The following GPBP1L1 variants were observed in gnomAD, a reference collection of about 807,000 sequenced individuals.
GPBP1L1 encodes GC-rich promoter binding protein 1 like 1.
Under a neutral mutation model 52.5 loss-of-function variants are expected in GPBP1L1, and 23 were observed. The observed-to-expected ratio is 0.44, with a 90% CI of 0.32 to 0.62. The LOEUF (loss-of-function observed/expected upper bound fraction) is 0.62, where lower values mean the gene tolerates loss of function less well. GPBP1L1 is among the 20% of genes least tolerant of loss of function. The pLI is 0.06. For synonymous variants in GPBP1L1, 243 were observed against 203.1 expected (o/e 1.20, Z -1.67); for missense variants, 596 against 579.3 (o/e 1.03, Z -0.30).
chr1:45,667,309 T>C (rs1645022156), intron 2 of GPBP1L1, among the ~76,000 whole-genome samples: 1 of 152,188 alleles, frequency 6.6e-6, no homozygotes, highest in South Asian at 2.1e-4. Context: ...TTTTGCTCCC[T>C]CTCTACAAAC....
chr1:45,633,986 C>T, intron 9 of GPBP1L1, 110 bp downstream of exon 9: 1 of 1,207,216 alleles, frequency 8.3e-7, no homozygotes, highest in Non-Finnish European at 1.2e-6. Flanking sequence ...CTATTCTCAG[C>T]TAAATATAGC....
At chr1:45,666,291 G>A (rs1040480572) in intron 2 of GPBP1L1, among the ~76,000 whole-genome samples, 12 of 151,736 alleles carry the variant, frequency 7.9e-5, no homozygotes, top group Non-Finnish European at 1.5e-4. Flanking sequence ...GACTACAGGC[G>A]CCCACCACCA....
At chr1:45,663,956 CT>C (rs11407149) in intron 2 of GPBP1L1, among the ~76,000 whole-genome samples, 121 of 148,962 alleles carry the variant, frequency 8.1e-4, no homozygotes, top group African/African-American at 2.6e-3. Flanking sequence ...TCTCTTAGAA[CT>C]TTTTTTTTTT....
intron 2 of GPBP1L1, among the ~76,000 whole-genome samples, chr1:45,666,770 T>C (rs55951835): frequency 0.18 from 28,061 of 152,122 alleles, 2,977 homozygotes; most frequent in Non-Finnish European, 0.24. Flanking sequence ...AGCAGCCTTA[T>C]TCACAATAGC....
intron 2 of GPBP1L1, among the ~76,000 whole-genome samples, chr1:45,671,231 A>C (rs1240213921): frequency 2.4e-5 from 1 of 42,370 alleles, no homozygotes; most frequent in African/African-American, 8.0e-5. Context: ...TTTTTTTTTG[A>C]GACAGTCTCA....
intron 6 of GPBP1L1, among the ~76,000 whole-genome samples, chr1:45,652,705 T>C (rs996830154): frequency 2.0e-5 from 3 of 149,742 alleles, no homozygotes; most frequent in Non-Finnish European, 4.5e-5. Flanking sequence ...AATAAGAATA[T>C]ACTGTGATTG....
At chr1:45,646,286 G>T in intron 6 of GPBP1L1, 1 of 185,592 alleles carries the variant, frequency 5.4e-6, no homozygotes, top group Non-Finnish European at 1.1e-5. Context: ...CTGAACATTA[G>T]CTTGACAAAG....
intron 2 of GPBP1L1, among the ~76,000 whole-genome samples, chr1:45,681,095 T>C (rs1227050399): frequency 6.6e-6 from 1 of 151,174 alleles, no homozygotes; most frequent in East Asian, 1.9e-4. Flanking sequence ...TAATACTGAA[T>C]TGGGCACCAA....
intron 8 of GPBP1L1, among the ~76,000 whole-genome samples, chr1:45,636,740 T>C (rs1163610282): frequency 1.3e-5 from 2 of 152,246 alleles, no homozygotes; most frequent in African/African-American, 2.4e-5. Flanking sequence ...TTTAGCAAAA[T>C]CTAATAACTT....
intron 2 of GPBP1L1, among the ~76,000 whole-genome samples, chr1:45,680,277 C>G (rs1291293927): frequency 7.3e-6 from 1 of 137,108 alleles, no homozygotes; most frequent in Non-Finnish European, 1.5e-5. Flanking sequence ...CTCGCTGTGT[C>G]ACCTAGGCTG....
chr1:45,668,354 C>G lies in GPBP1L1; in HGVS notation c.-1097-7129G>C, dbSNP rs191931563. 2.2e-3 allele frequency among the ~76,000 whole-genome samples: 336 copies of G among 152,258 alleles called. 1 individual carries two copies. The highest frequency in any genetic ancestry group is 7.7e-3 in the African/African-American group (319 of 41,556). ...AGTACCTAATAAATTAAATTGCACA[C>G]TTAAAAACAGAACACCTAGCCAGGT... On this transcript the variant is annotated intron_variant, in intron 2 of 12. Coordinates refer to ENST00000355105, the MANE Select transcript of GPBP1L1 (RefSeq NM_021639.5).
Position 45,661,186 on chromosome 1 carries a change from CA to C in GPBP1L1, c.-1059del, listed in dbSNP as rs1158404694. On this transcript the variant is annotated 5_prime_UTR_variant, in exon 3 of 13. An upstream open reading frame in the 5' UTR loses its in-frame stop. Coordinates refer to ENST00000355105, the MANE Select transcript of GPBP1L1 (RefSeq NM_021639.5). ...CTTATTATTTTGGATCCATTTCCACCACTTCACAATCATTTGAAAGGCCACA... is the reference window on the plus strand; with the variant it reads ...CTTATTATTTTGGATCCATTTCCACCCTTCACAATCATTTGAAAGGCCACA... 6.6e-6 allele frequency: 1 copy of C among 152,150 alleles called. No homozygotes were observed. The highest frequency in any genetic ancestry group is 1.5e-5 in the Non-Finnish European group (1 of 68,028). 9.4% of individuals were successfully genotyped at this position (152,150 alleles called of 1,614,324 possible).
chr1:45,642,674 A>G (rs1644689156), intron 6 of GPBP1L1, among the ~76,000 whole-genome samples, 175 bp from the exon 7 acceptor site: 2 of 152,204 alleles, frequency 1.3e-5, no homozygotes, highest in Non-Finnish European at 2.9e-5. Context: ...TCAAAACACA[A>G]AATCAATAGG....
intron 6 of GPBP1L1, among the ~76,000 whole-genome samples, chr1:45,649,641 T>A (rs1644796590): frequency 6.6e-6 from 1 of 152,224 alleles, no homozygotes; most frequent in African/African-American, 2.4e-5. Flanking sequence ...TCAGGAGGTT[T>A]AAATCTGTTT....
chr1:45,633,538 T>G lies in GPBP1L1; in HGVS notation c.995A>C (p.Asp332Ala), dbSNP rs1216052683. 1.2e-6 allele frequency: 2 copies of G among 1,614,064 alleles called. No individual in the cohort carries two copies. Among genetic ancestry groups the G allele is most frequent in the Admixed American group, 3.3e-5 (2 of 60,008 alleles). ...KSEFLKTLKD[D>A]RNGDFSENRD... is the part of the protein sequence containing the mutation. ...ATTCTCTGAGAAGTCTCCATTCCGG[T>G]CATCCTTCAGAGTTTTCAGGAACTC... The change falls in exon 10 of 13, where the codon GAC becomes GCC. Residue 332 changes from aspartate to alanine, a missense_variant. Coordinates refer to ENST00000355105, the MANE Select transcript of GPBP1L1 (RefSeq NM_021639.5).
At chr1:45,680,985 C>A (rs1645206127) in intron 2 of GPBP1L1, among the ~76,000 whole-genome samples, 1 of 150,840 alleles carries the variant, frequency 6.6e-6, no homozygotes, top group Non-Finnish European at 1.5e-5. Context: ...AACCAGGAAA[C>A]AAGAACACTG....
At chr1:45,676,856 G>A (rs1233484572) in intron 2 of GPBP1L1, among the ~76,000 whole-genome samples, 5 of 151,860 alleles carry the variant, frequency 3.3e-5, no homozygotes, top group Admixed American at 2.0e-4. Context: ...TCCAGCCTGG[G>A]TGACACAGAG....
At chr1:45,638,426 T>C (rs575981568) in intron 8 of GPBP1L1, among the ~76,000 whole-genome samples, 20 of 152,320 alleles carry the variant, frequency 1.3e-4, no homozygotes, top group Admixed American at 1.2e-3. Flanking sequence ...CTAAGGTTTT[T>C]TCTCAGTTAT....
chr1:45,673,423 T>A (rs1419665411), intron 2 of GPBP1L1, among the ~76,000 whole-genome samples: 1 of 152,214 alleles, frequency 6.6e-6, no homozygotes, highest in East Asian at 1.9e-4. Flanking sequence ...CCATGACTTT[T>A]GACTCCCTGA....
Sources: gnomAD v4.1 joint callset for allele counts (sites outside exome capture counted in the v4.1 genomes callset) on GRCh38, gnomAD v4.1.1 for gene constraint, MANE v1.5 for transcripts, NCBI Gene and HGNC (gene_info 2026-07-23, HGNC 2026-07-21) for gene names.